KCNIP4: variants seen among roughly 807,000 people sequenced by gnomAD.
KCNIP4 encodes the protein Kv channel-interacting protein 4.
Under a neutral mutation model 34.0 loss-of-function variants are expected in KCNIP4, and 12 were observed. The observed-to-expected ratio is 0.35, with a 90% CI of 0.23 to 0.57. The LOEUF is 0.57. KCNIP4 is among the 20% of genes least tolerant of loss of function. The probability of loss-of-function intolerance (pLI) is 0.83; values close to 1 mark genes in which losing one functional copy is unlikely to be tolerated. For synonymous variants in KCNIP4, 124 were observed against 102.2 expected (o/e 1.21, Z -1.29); for missense variants, 238 against 311.7 (o/e 0.76, Z 1.78).
chr4:21,820,289 A>ATG (rs1427593685), intron 1 of KCNIP4, among the ~76,000 whole-genome samples: 2 of 6,874 alleles, frequency 2.9e-4, no homozygotes, highest in African/African-American at 4.3e-4. Flanking sequence ...GTGTGTGTAT[A>ATG]TATATATATA....
intron 1 of KCNIP4, among the ~76,000 whole-genome samples, chr4:21,948,328 C>T (rs909373933): frequency 1.3e-5 from 2 of 152,172 alleles, no homozygotes; most frequent in Non-Finnish European, 2.9e-5. Flanking sequence ...CTGCCACCGG[C>T]GAGTTTCAAA....
At chr4:21,785,678 G>A (rs1015653458) in intron 1 of KCNIP4, among the ~76,000 whole-genome samples, 4 of 152,002 alleles carry the variant, frequency 2.6e-5, no homozygotes, top group South Asian at 2.1e-4. Flanking sequence ...CTAAGTATTC[G>A]CTAACCTATT....
At chr4:21,799,738 G>A (rs1037249706) in intron 1 of KCNIP4, among the ~76,000 whole-genome samples, 1 of 152,136 alleles carries the variant, frequency 6.6e-6, no homozygotes, top group African/African-American at 2.4e-5. Context: ...TGATTTCTAT[G>A]TCACATGTCA....
At chr4:21,597,323 C>T (rs892418073) in intron 1 of KCNIP4, among the ~76,000 whole-genome samples, 3 of 152,078 alleles carry the variant, frequency 2.0e-5, no homozygotes, top group Non-Finnish European at 2.9e-5. Context: ...TTTTCACCTT[C>T]GGCCATGATC....
intron 1 of KCNIP4, among the ~76,000 whole-genome samples, chr4:20,902,159 A>G (rs760547778): frequency 6.6e-6 from 1 of 152,166 alleles, no homozygotes; most frequent in Non-Finnish European, 1.5e-5. Flanking sequence ...GGGTGACTTG[A>G]ACTCTACCTT....
intron 1 of KCNIP4, among the ~76,000 whole-genome samples, chr4:21,828,383 A>T (rs1722793123): frequency 6.6e-6 from 1 of 151,912 alleles, no homozygotes; most frequent in African/African-American, 2.4e-5. Flanking sequence ...AAGGTCTAAT[A>T]ACAATGTAAC....
At chr4:21,542,558 G>T (rs2109001210) in intron 1 of KCNIP4, among the ~76,000 whole-genome samples, 1 of 151,928 alleles carries the variant, frequency 6.6e-6, no homozygotes, top group East Asian at 1.9e-4. Context: ...TATAAAGCAA[G>T]TTATTAAAGA....
chr4:21,253,301 G>A (rs926638939), intron 1 of KCNIP4, among the ~76,000 whole-genome samples: 5 of 152,100 alleles, frequency 3.3e-5, no homozygotes, highest in African/African-American at 7.2e-5. Context: ...TTAGCCAACA[G>A]GTATAAAATG....
chr4:21,879,703 ATATAT>A (rs1294272108), intron 1 of KCNIP4, among the ~76,000 whole-genome samples: 1 of 152,166 alleles, frequency 6.6e-6, no homozygotes, highest in African/African-American at 2.4e-5. Flanking sequence ...TCGATAATTC[ATATAT>A]TATTTTTATT....
chr4:20,785,922 A>G (rs543223512), intron 3 of KCNIP4, among the ~76,000 whole-genome samples: 5 of 152,226 alleles, frequency 3.3e-5, no homozygotes, highest in South Asian at 2.1e-4. Flanking sequence ...TAGAATTACA[A>G]TTTGACCCAG....
intron 1 of KCNIP4, among the ~76,000 whole-genome samples, chr4:20,899,381 C>T (rs1388862692): frequency 6.6e-6 from 1 of 152,080 alleles, no homozygotes. Flanking sequence ...CCCTGCTGCT[C>T]AACATTTTAT....
chr4:21,557,408 T>C (rs1420267508), intron 1 of KCNIP4, among the ~76,000 whole-genome samples: 1 of 152,322 alleles, frequency 6.6e-6, no homozygotes, highest in African/African-American at 2.4e-5. Flanking sequence ...CCACCATATC[T>C]ACTTAGTCTT....
At chr4:21,607,849 C>T (rs1440233160) in intron 1 of KCNIP4, among the ~76,000 whole-genome samples, 1 of 152,100 alleles carries the variant, frequency 6.6e-6, no homozygotes, top group Non-Finnish European at 1.5e-5. Flanking sequence ...TCACATAGCA[C>T]AGCTGGTGGA....
At chr4:21,071,240 T>G (rs112727074) in intron 1 of KCNIP4, among the ~76,000 whole-genome samples, 4,199 of 152,294 alleles carry the variant, frequency 0.028, 86 homozygotes, top group South Asian at 0.067. Context: ...TACATTTAAA[T>G]CAATTGTTCA....
intron 1 of KCNIP4, among the ~76,000 whole-genome samples, chr4:21,258,569 T>G (rs1761235638): frequency 6.6e-6 from 1 of 152,186 alleles, no homozygotes; most frequent in Non-Finnish European, 1.5e-5. Flanking sequence ...ATAATTGATA[T>G]AGTGTGCTCT....
chr4:21,482,532 G>T (rs992786994), intron 1 of KCNIP4, among the ~76,000 whole-genome samples: 2 of 152,098 alleles, frequency 1.3e-5, no homozygotes, highest in African/African-American at 4.8e-5. Context: ...CTCAGCATTT[G>T]CTTGTCTGTA....
chr4:21,111,597 A>T (rs1294258672), intron 1 of KCNIP4, among the ~76,000 whole-genome samples: 1 of 152,220 alleles, frequency 6.6e-6, no homozygotes, highest in Admixed American at 6.5e-5. Context: ...TCCCAAACTC[A>T]GCGTGGCACT....
chr4:21,615,959 CT>C (rs1485227969), intron 1 of KCNIP4, among the ~76,000 whole-genome samples: 2 of 152,184 alleles, frequency 1.3e-5, no homozygotes, highest in Non-Finnish European at 2.9e-5. Flanking sequence ...TATCCATGCC[CT>C]TTATGGTCTA....
rs1338510247 is a variant in KCNIP4 at position 20,786,563 on chromosome 4, T to C, written c.289-27673A>G. On this transcript the variant is annotated intron_variant, in intron 3 of 8. Transcript: ENST00000382152. Reference sequence around the variant, plus strand: ...GCATAGTGTTGTAGTTAGCAATAGATGGAAACTTTATCAGAAAAAGAAGAA... The same window carrying C: ...GCATAGTGTTGTAGTTAGCAATAGACGGAAACTTTATCAGAAAAAGAAGAA... Among the ~76,000 whole-genome samples, 3 of 152,270 alleles carry C rather than the reference T, an allele frequency of 2.0e-5. No individual in the cohort carries two copies. In the East Asian group the frequency reaches 5.8e-4, roughly 29 times the overall value.
Sources: allele counts gnomAD v4.1 joint callset (sites outside exome capture counted in the v4.1 genomes callset), GRCh38; gene constraint gnomAD v4.1.1; transcripts MANE v1.5; gene names NCBI Gene and HGNC (gene_info 2026-07-23, HGNC 2026-07-21).